Variants in NIBAN1 observed in about 807,000 individuals in gnomAD.
NIBAN1 encodes the protein protein Niban 1.
A neutral mutation model predicts 75.1 loss-of-function variants in NIBAN1; 81 were observed. The ratio of observed to expected loss-of-function variants is 1.08; its 90% CI spans 0.90 to 1.30. NIBAN1 has a LOEUF of 1.30. Among genes scored for constraint, NIBAN1 ranks in the 50% most tolerant of loss-of-function variants. NIBAN1 has a pLI of 0.00. For synonymous variants in NIBAN1, 436 were observed against 424.8 expected, an observed-to-expected ratio of 1.03 and a Z score of -0.32; for missense variants, 1,133 against 1,128.1, an observed-to-expected ratio of 1.00 and a Z score of -0.06.
In NIBAN1 at chr1:184,795,332, A is replaced by C. The variant is rs773090679; in HGVS notation, c.2432T>G (p.Met811Arg). The C allele has an allele frequency of 1.2e-6, 2 of 1,610,840 alleles. No individual in the cohort carries two copies. The highest frequency in any genetic ancestry group is 8.5e-7 in the Non-Finnish European group (1 of 1,178,714). The change falls in exon 14 of 14, where the codon ATG (methionine) becomes AGG (arginine). Residue 811 changes from methionine (M) to arginine (R), a missense_variant. Transcript: ENST00000367511. ...GGLTEEPLGP[M>R]EGELPGEACT... ...GGCCTCTCCTGGGAGCTCCCCCTCC[A>C]TGGGCCCCAGGGGCTCCTCGGTGAG... is the stretch of plus-strand genomic sequence containing the variant.
At chr1:184,923,771 G>A (rs1471873836) in intron 1 of NIBAN1, among the ~76,000 whole-genome samples, 2 of 151,968 alleles carry the variant, frequency 1.3e-5, no homozygotes, top group Non-Finnish European at 2.9e-5. Context: ...AGTTATCATT[G>A]TAGAGATCTT....
chr1:184,836,997 G>T (rs866355467), intron 5 of NIBAN1, among the ~76,000 whole-genome samples: 1 of 152,130 alleles, frequency 6.6e-6, no homozygotes. Flanking sequence ...AACGACAAAG[G>T]TTTGCTTTGT....
At chr1:184,803,216 A>G (rs376328930) in intron 12 of NIBAN1, among the ~76,000 whole-genome samples, 36 of 152,294 alleles carry the variant, frequency 2.4e-4, no homozygotes, top group East Asian at 1.9e-3. Flanking sequence ...TCATACTATA[A>G]TGAGAAACAC....
intron 3 of NIBAN1, 53 bp downstream of exon 3, chr1:184,894,022 G>T: frequency 6.6e-7 from 1 of 1,521,212 alleles, no homozygotes. Context: ...AATCAACCGA[G>T]CCAAACTTTT....
At chr1:184,950,250 G>T (rs771590472) in intron 1 of NIBAN1, among the ~76,000 whole-genome samples, 16 of 152,108 alleles carry the variant, frequency 1.1e-4, no homozygotes, top group African/African-American at 3.9e-4. Flanking sequence ...CAAGGAATCT[G>T]AGCCTGTTAG....
chr1:184,797,396 T>C (rs649153), intron 13 of NIBAN1, among the ~76,000 whole-genome samples: 71,708 of 151,560 alleles, frequency 0.47, 18,068 homozygotes, highest in African/African-American at 0.65. Context: ...CCCATCTTGG[T>C]CTCCCAAAGT....
intron 1 of NIBAN1, among the ~76,000 whole-genome samples, chr1:184,964,064 TA>T (rs76525602): frequency 0.073 from 9,252 of 127,086 alleles, 271 homozygotes; most frequent in Non-Finnish European, 0.083. Flanking sequence ...CTAAATAAGC[TA>T]AAAAAAAAAA....
At chr1:184,960,682 G>T (rs978008284) in intron 1 of NIBAN1, among the ~76,000 whole-genome samples, 1 of 151,728 alleles carries the variant, frequency 6.6e-6, no homozygotes, top group African/African-American at 2.4e-5. Context: ...AGACTGGAGT[G>T]CAGTGGCACA....
intron 1 of NIBAN1, among the ~76,000 whole-genome samples, chr1:184,939,602 G>A (rs1658040831): frequency 6.6e-6 from 1 of 152,204 alleles, no homozygotes; most frequent in Non-Finnish European, 1.5e-5. Flanking sequence ...ATCACTTAAA[G>A]CCCCTGGATT....
chr1:184,931,981 C>G lies in NIBAN1; in HGVS notation c.56-32672G>C, dbSNP rs199928967. Among the ~76,000 whole-genome samples, 54 of 152,342 alleles carry G rather than the reference C, an allele frequency of 3.5e-4. No individual in the cohort carries two copies. In the East Asian group the frequency reaches 6.8e-3, roughly 19 times the overall value. On this transcript the variant is annotated intron_variant, in intron 1 of 13. Coordinates refer to ENST00000367511, the MANE Select transcript of NIBAN1 (RefSeq NM_052966.4). ...TCCCTTCCTCCAGATATCTCATATACTGCCCAGCTATTTCTGAATATTAGT... is the reference window on the plus strand; with the variant it reads ...TCCCTTCCTCCAGATATCTCATATAGTGCCCAGCTATTTCTGAATATTAGT...
At chr1:184,918,587 C>A (rs1361735381) in intron 1 of NIBAN1, among the ~76,000 whole-genome samples, 1 of 152,178 alleles carries the variant, frequency 6.6e-6, no homozygotes, top group East Asian at 1.9e-4. Flanking sequence ...AACCTATAGA[C>A]CCAGATAAAT....
chr1:184,801,520 T>TA lies in NIBAN1; in HGVS notation c.1554+2064_1554+2065insT, dbSNP rs1363678830. Reference sequence around the variant, plus strand: ...GCAACACCCTTTCATCCTTCCCACGTGGTCCCCCATTCCTATTCCCCTGAT... The same window carrying TA: ...GCAACACCCTTTCATCCTTCCCACGTAGGTCCCCCATTCCTATTCCCCTGAT... On this transcript the variant is annotated intron_variant, in intron 12 of 13. Transcript: ENST00000367511. 3.3e-5 allele frequency among the ~76,000 whole-genome samples: 5 copies of TA among 152,294 alleles called. No individual in the cohort carries two copies. In the East Asian group the frequency reaches 9.7e-4, roughly 29 times the overall value.
chr1:184,825,013 C>T (rs1411892317), intron 6 of NIBAN1, among the ~76,000 whole-genome samples: 3 of 152,204 alleles, frequency 2.0e-5, no homozygotes, highest in South Asian at 2.1e-4. Flanking sequence ...CTTCCTTAAA[C>T]CCAGAGACCT....
At chr1:184,954,446 C>A (rs1017695506) in intron 1 of NIBAN1, among the ~76,000 whole-genome samples, 9 of 152,118 alleles carry the variant, frequency 5.9e-5, no homozygotes, top group African/African-American at 2.2e-4. Flanking sequence ...GTGAGTTTAA[C>A]CATTCAGCTA....
At chr1:184,881,126 C>CAA (rs1259278516) in intron 5 of NIBAN1, among the ~76,000 whole-genome samples, 1 of 151,992 alleles carries the variant, frequency 6.6e-6, no homozygotes, top group Non-Finnish European at 1.5e-5. Flanking sequence ...CACACACACA[C>CAA]AACCTTTATT....
At chr1:184,808,290 C>CAT in intron 9 of NIBAN1, 55 bp from the exon 10 acceptor site, 1 of 1,546,462 alleles carries the variant, frequency 6.5e-7, no homozygotes, top group Non-Finnish European at 8.8e-7. Flanking sequence ...AGCGGTATTG[C>CAT]ATATATATTG....
At chr1:184,920,511 T>G (rs1412433536) in intron 1 of NIBAN1, among the ~76,000 whole-genome samples, 1 of 152,194 alleles carries the variant, frequency 6.6e-6, no homozygotes, top group Non-Finnish European at 1.5e-5. Flanking sequence ...TAATTTGACA[T>G]CCTTTAACCA....
At chr1:184,971,614 G>A (rs1447606302) in intron 1 of NIBAN1, among the ~76,000 whole-genome samples, 2 of 152,030 alleles carry the variant, frequency 1.3e-5, no homozygotes, top group Non-Finnish European at 2.9e-5. Context: ...AGGTTGCAGT[G>A]ATCCGAGATC....
At chr1:184,967,594 C>A (rs1456876754) in intron 1 of NIBAN1, among the ~76,000 whole-genome samples, 1 of 152,126 alleles carries the variant, frequency 6.6e-6, no homozygotes, top group East Asian at 1.9e-4. Context: ...CAGTTCAAAC[C>A]TTCCCAGAGA....
Sources: gnomAD v4.1 joint callset for allele counts (sites outside exome capture counted in the v4.1 genomes callset) on GRCh38, gnomAD v4.1.1 for gene constraint, MANE v1.5 for transcripts, NCBI Gene and HGNC (gene_info 2026-07-23, HGNC 2026-07-21) for gene names.